MAPRE2: variants seen among roughly 807,000 people sequenced by gnomAD.
MAPRE2 encodes the protein microtubule associated protein RP/EB family member 2, also known as microtubule-associated protein RP/EB family member 2.
MAPRE2 carries 13 observed loss-of-function variants against 43.2 expected under a neutral mutation model. That is an observed-to-expected ratio of 0.30 (90% CI 0.20 to 0.48). The LOEUF is 0.48. Ranked by LOEUF, MAPRE2 falls within the 20% of genes least tolerant of loss-of-function variation. The probability of loss-of-function intolerance (pLI) is 0.99; values close to 1 mark genes in which losing one functional copy is unlikely to be tolerated. For synonymous variants in MAPRE2, 135 were observed against 148.8 expected (o/e 0.91, Z 0.68); for missense variants, 161 against 400.2 (o/e 0.40, Z 5.10).
intron 1 of MAPRE2, among the ~76,000 whole-genome samples, chr18:35,053,001 G>A (rs1411768430): frequency 9.7e-6 from 1 of 102,806 alleles, no homozygotes; most frequent in African/African-American, 3.0e-5. Flanking sequence ...TGAATATAAA[G>A]TCCCCCCCAC....
chr18:34,998,328 T>C (rs1196517878), intron 1 of MAPRE2, among the ~76,000 whole-genome samples: 1 of 145,134 alleles, frequency 6.9e-6, no homozygotes, highest in Non-Finnish European at 1.5e-5. Flanking sequence ...TCTCTCTTTT[T>C]TTTTTTTTTT....
Position 35,041,439 on chromosome 18 carries a change from A to AGG in MAPRE2, c.-100_-99dup. The AGG allele has an allele frequency of 6.3e-7, 1 of 1,585,634 alleles. No homozygotes were observed. The highest frequency in any genetic ancestry group is 1.7e-4 in the Middle Eastern group (1 of 5,884). On this transcript the variant is annotated 5_prime_UTR_variant, in exon 1 of 7. Coordinates refer to ENST00000300249, the MANE Select transcript of MAPRE2 (RefSeq NM_014268.4). ...AGAAGGCAGTGAGCGAGCAGGCGGC[A>AGG]GGCACGGTCCGTGCGGAGCAGGCGA...
At chr18:35,116,337 G>A (rs1340218579) in intron 4 of MAPRE2, among the ~76,000 whole-genome samples, 1 of 152,208 alleles carries the variant, frequency 6.6e-6, no homozygotes, top group African/African-American at 2.4e-5. Flanking sequence ...AGACTGCAGA[G>A]GGAAGCGGGG....
chr18:35,013,493 T>C (rs568037332), intron 2 of MAPRE2, among the ~76,000 whole-genome samples: 3 of 152,354 alleles, frequency 2.0e-5, no homozygotes, highest in Non-Finnish European at 4.4e-5. Flanking sequence ...ATATCCATCA[T>C]GTAAAATATT....
At chr18:34,994,289 A>T (rs189535942) in intron 1 of MAPRE2, among the ~76,000 whole-genome samples, 4 of 152,216 alleles carry the variant, frequency 2.6e-5, no homozygotes, top group Non-Finnish European at 5.9e-5. Context: ...TGATAGCTAC[A>T]AAACACGTAA....
Position 35,101,943 on chromosome 18 carries a change from C to A in MAPRE2, c.397-3C>A. On this transcript the variant is annotated splice_polypyrimidine_tract_variant and splice_region_variant and intron_variant, in intron 3 of 6. Transcript: ENST00000300249. ...TAACTCACATAGTGATTTTTTATTGCAGGTAATTCCAGTGGAGAAGCTAGT... is the reference window on the plus strand; with the variant it reads ...TAACTCACATAGTGATTTTTTATTGAAGGTAATTCCAGTGGAGAAGCTAGT... 6.3e-7 allele frequency: 1 copy of A among 1,584,320 alleles called. No homozygotes were observed. The highest frequency in any genetic ancestry group is 8.6e-7 in the Non-Finnish European group (1 of 1,166,476).
chr18:34,999,320 T>C (rs763312865), intron 1 of MAPRE2, among the ~76,000 whole-genome samples: 1 of 152,226 alleles, frequency 6.6e-6, no homozygotes. Context: ...TTCCCATATA[T>C]GTAGTTTTGT....
intron 2 of MAPRE2, among the ~76,000 whole-genome samples, chr18:35,085,899 C>T (rs1167457917): frequency 6.6e-6 from 1 of 152,154 alleles, no homozygotes; most frequent in Non-Finnish European, 1.5e-5. Flanking sequence ...TGTTTCCTGC[C>T]TTCCCATTCT....
intron 1 of MAPRE2, among the ~76,000 whole-genome samples, chr18:34,986,500 T>C (rs1265475568): frequency 6.6e-6 from 1 of 152,204 alleles, no homozygotes; most frequent in East Asian, 1.9e-4. Context: ...GCTATTGATA[T>C]AAGTAAGGCT....
At chr18:35,109,041 C>A (rs1453912417) in intron 4 of MAPRE2, among the ~76,000 whole-genome samples, 4 of 152,144 alleles carry the variant, frequency 2.6e-5, no homozygotes, top group Non-Finnish European at 5.9e-5. Context: ...GTCATGTAGT[C>A]TTTGCCCATG....
At chr18:35,023,031 G>T (rs1335388604) in intron 2 of MAPRE2, among the ~76,000 whole-genome samples, 3 of 152,130 alleles carry the variant, frequency 2.0e-5, no homozygotes, top group Non-Finnish European at 4.4e-5. Context: ...GATAAGAATA[G>T]AATATACCTG....
chr18:35,071,022 G>A (rs1005159073), intron 2 of MAPRE2, among the ~76,000 whole-genome samples: 2 of 152,182 alleles, frequency 1.3e-5, no homozygotes, highest in African/African-American at 4.8e-5. Flanking sequence ...TTGCCACGTC[G>A]TGTTAGGATG....
At chr18:35,047,324 C>T (rs1905680887) in intron 1 of MAPRE2, among the ~76,000 whole-genome samples, 1 of 152,230 alleles carries the variant, frequency 6.6e-6, no homozygotes, top group Non-Finnish European at 1.5e-5. Context: ...TGTAATACTA[C>T]ATTGAGTATG....
At chr18:35,093,967 C>T (rs547683693) in intron 2 of MAPRE2, among the ~76,000 whole-genome samples, 1 of 152,274 alleles carries the variant, frequency 6.6e-6, no homozygotes, top group Admixed American at 6.5e-5. Flanking sequence ...CTTATATTGA[C>T]CTTTCTCAAG....
chr18:34,995,061 A>G (rs994004393), intron 1 of MAPRE2, among the ~76,000 whole-genome samples: 2 of 152,206 alleles, frequency 1.3e-5, no homozygotes, highest in Non-Finnish European at 2.9e-5. Flanking sequence ...TTAGGTAAAT[A>G]CATTTTCTGG....
chr18:35,142,066 TTTC>T lies in MAPRE2; in HGVS notation c.*1702_*1704del, dbSNP rs1910677579. ...GATGTTCCGTGGTGTTTGGTTTCCC[TTTC>T]TTCTCTCTCCTGCTCACTCTGCATT... On this transcript the variant is annotated 3_prime_UTR_variant, in exon 7 of 7. Transcript: ENST00000300249. 6.6e-6 allele frequency: 1 copy of T among 152,238 alleles called. No individual in the cohort carries two copies. The highest frequency in any genetic ancestry group is 2.1e-4 in the South Asian group (1 of 4,834). 9.4% of individuals were successfully genotyped at this position (152,238 alleles called of 1,614,324 possible). A position where few individuals can be genotyped will look rare whatever the true frequency, so the allele number is the denominator to read the frequency against.
chr18:35,005,664 T>G, intron 2 of MAPRE2: 1 of 558,228 alleles, frequency 1.8e-6, no homozygotes, highest in East Asian at 3.2e-5. Context: ...AGTACACAAT[T>G]AAAGCCGATA....
chr18:35,049,426 T>C (rs1033451435), intron 1 of MAPRE2, among the ~76,000 whole-genome samples: 1 of 152,244 alleles, frequency 6.6e-6, no homozygotes, highest in African/African-American at 2.4e-5. Context: ...ACACAATTAT[T>C]GTTACATTAA....
intron 6 of MAPRE2, among the ~76,000 whole-genome samples, chr18:35,134,583 T>C (rs1057117318): frequency 2.6e-5 from 4 of 152,204 alleles, no homozygotes; most frequent in Admixed American, 2.0e-4. Context: ...GTGGGTACCA[T>C]GGAGCAGGGA....
Sources: gnomAD v4.1 joint callset for allele counts (sites outside exome capture counted in the v4.1 genomes callset) on GRCh38, gnomAD v4.1.1 for gene constraint, MANE v1.5 for transcripts, NCBI Gene and HGNC (gene_info 2026-07-23, HGNC 2026-07-21) for gene names.